CEP131: variants seen among roughly 807,000 people sequenced by gnomAD.
CEP131 encodes the protein centrosomal protein of 131 kDa.
In CEP131, 99 loss-of-function variants were observed where a neutral mutation model predicts 136.8. That is an observed-to-expected ratio of 0.72 (90% CI 0.62 to 0.86). The LOEUF is 0.86. Among genes scored for constraint, CEP131 ranks in the 40% least tolerant of loss-of-function variants. CEP131 has a pLI of 0.00. For synonymous variants in CEP131, 646 were observed against 612.7 expected (o/e 1.05, Z -0.80); for missense variants, 1,459 against 1,463.0 (o/e 1.00, Z 0.04).
chr17:81,197,086 C>T (rs201367580), intron 13 of CEP131, 31 bp from the exon 14 acceptor site: 480 of 1,566,802 alleles, frequency 3.1e-4, no homozygotes, highest in Non-Finnish European at 3.9e-4. Flanking sequence ...CAGGCGGAAG[C>T]GGCAGAGGAC....
In CEP131 at chr17:81,198,962, A is replaced by C; in HGVS notation, c.1202T>G (p.Leu401Arg). The C allele has an allele frequency of 6.4e-7, 1 of 1,571,178 alleles. No homozygotes were observed. Among genetic ancestry groups the C allele is most frequent in the Non-Finnish European group, 8.6e-7 (1 of 1,160,664 alleles). The change falls in exon 11 of 26, where the codon CTC becomes CGC. Residue 401 changes from leucine to arginine, a missense_variant. Physicochemically the swap from Leu to Arg is moderately radical, Grantham distance 102. Around this residue, in one of 3 missense-constraint regions of CEP131, gnomAD observed 1,026 missense variants for 964.2 expected, o/e 1.06. Coordinates refer to ENST00000450824, the MANE Select transcript of CEP131 (RefSeq NM_014984.4). ...GCGGTCTCCGGGGCCTGCAGCAGGG[A>C]GGCCACCACCTGCACAGCAGAACAC... is the stretch of plus-strand genomic sequence containing the variant. Reference protein sequence around the residue: ...ALKANNTGGGLPAAGPGDRCL... With the variant: ...ALKANNTGGGRPAAGPGDRCL...
chr17:81,198,304 A>C lies in CEP131; in HGVS notation c.1288-7T>G. 1 of 1,587,912 alleles carries C rather than the reference A, an allele frequency of 6.3e-7. No individual in the cohort carries two copies. Among genetic ancestry groups the C allele is most frequent in the Non-Finnish European group, 8.6e-7 (1 of 1,165,408 alleles). On this transcript the variant is annotated splice_polypyrimidine_tract_variant and splice_region_variant and intron_variant, in intron 11 of 25. Coordinates refer to ENST00000450824, the MANE Select transcript of CEP131 (RefSeq NM_014984.4). ...CATCCTGGGCAAGAACGTCCTGCAA[A>C]AGAGCAGGGAGACAGATGCAGCAAG... is the stretch of plus-strand genomic sequence containing the variant.
At position 81,200,174 on chromosome 17, in the gene CEP131, G is replaced by A. The variant is rs377351772; in HGVS notation, c.906+155C>T. The A allele has an allele frequency of 3.2e-4, 214 of 665,140 alleles. 2 individuals are homozygous for A. In the East Asian group the frequency reaches 5.2e-3, roughly 16 times the overall value. 41.2% of individuals were successfully genotyped at this position (665,140 alleles called of 1,614,324 possible). A position where few individuals can be genotyped will look rare whatever the true frequency, so the allele number is the denominator to read the frequency against. The stretch of plus-strand genomic sequence containing the variant: ...CCAGTGAGGACCACCCTGACTGTCC[G>A]CGGGGACCCAGGGTCAAGAAGGATG... On this transcript the variant is annotated intron_variant, in intron 8 of 25. Coordinates refer to ENST00000450824, the MANE Select transcript of CEP131 (RefSeq NM_014984.4).
chr17:81,221,152 G>T (rs1826778009), intron 1 of CEP131, among the ~76,000 whole-genome samples: 1 of 151,222 alleles, frequency 6.6e-6, no homozygotes, highest in Non-Finnish European at 1.5e-5. Context: ...AAAAACGCGG[G>T]AGTGGTTTTG....
At chr17:81,196,247 G>A (rs2061752878) in intron 15 of CEP131, among the ~76,000 whole-genome samples, 2 of 152,210 alleles carry the variant, frequency 1.3e-5, no homozygotes, top group African/African-American at 2.4e-5. Flanking sequence ...TAGCTCTGCC[G>A]AGGCCATCAC....
At chr17:81,210,620 A>C (rs2062111370) in intron 2 of CEP131, among the ~76,000 whole-genome samples, 1 of 152,076 alleles carries the variant, frequency 6.6e-6, no homozygotes, top group Non-Finnish European at 1.5e-5. Context: ...GAAAGGGCTC[A>C]CAGTCCAGTG....
intron 7 of CEP131, 64 bp from the exon 8 acceptor site, chr17:81,200,510 G>C: frequency 1.6e-6 from 2 of 1,262,744 alleles, no homozygotes; most frequent in Non-Finnish European, 2.2e-6. Context: ...CCAGCTGGCT[G>C]CTGGTGGAAG....
intron 18 of CEP131, 27 bp from the exon 19 acceptor site, chr17:81,192,870 G>A (rs1479294771): frequency 1.5e-5 from 24 of 1,588,142 alleles, no homozygotes; most frequent in South Asian, 4.5e-5. Flanking sequence ...ACTGGCTCTC[G>A]GGGGCCGGGA....
intron 2 of CEP131, among the ~76,000 whole-genome samples, chr17:81,212,277 G>C (rs184973575): frequency 1.3e-5 from 2 of 150,236 alleles, no homozygotes; most frequent in East Asian, 3.9e-4. Context: ...AGCCGAGATT[G>C]CGCTACTGCA....
At position 81,193,925 on chromosome 17, in the gene CEP131, C is replaced by CCGCTGCCGAGCA; in HGVS notation, c.2310_2321dup (p.Ala771_Arg774dup). 6.5e-7 allele frequency: 1 copy of CCGCTGCCGAGCA among 1,534,020 alleles called. No individual in the cohort carries two copies. Among genetic ancestry groups the CCGCTGCCGAGCA allele is most frequent in the Non-Finnish European group, 8.8e-7 (1 of 1,142,424 alleles). On this transcript the variant is annotated inframe_insertion and splice_region_variant. Transcript: ENST00000450824. ...CCCACCGGCCTGGGGCCACCACCCA[C>CCGCTGCCGAGCA]CGCTGCCGAGCACGTTCGCGCTCCT...
At chr17:81,195,530 T>G (rs537783954) in intron 16 of CEP131, among the ~76,000 whole-genome samples, 1 of 152,076 alleles carries the variant, frequency 6.6e-6, no homozygotes, top group East Asian at 1.9e-4. Context: ...GACCTGGCAG[T>G]GGGGCAGACC....
chr17:81,194,413 AC>A, intron 17 of CEP131, among the ~76,000 whole-genome samples: 1 of 152,144 alleles, frequency 6.6e-6, no homozygotes, highest in Non-Finnish European at 1.5e-5. Context: ...GAGCGAGAGG[AC>A]CAGGCCTCGG....
rs2061828537 is a variant in CEP131 at position 81,198,948 on chromosome 17, G to A, written c.1216C>T (p.Pro406Ser). The A allele has an allele frequency of 1.3e-6, 2 of 1,582,914 alleles. No individual in the cohort carries two copies. The highest frequency in any genetic ancestry group is 8.6e-7 in the Non-Finnish European group (1 of 1,166,382). The change falls in exon 11 of 26, where the codon CCC becomes TCC. Residue 406 changes from proline (P) to serine (S), a missense_variant. Pro to Ser is a moderately conservative substitution (Grantham distance 74). This residue lies in a region of CEP131 where 1,026 missense variants were observed against 964.2 expected (regional missense o/e 1.06). Transcript: ENST00000450824. ...GAGGTGGGCAGGCAGCGGTCTCCGG[G>A]GCCTGCAGCAGGGAGGCCACCACCT... ...NTGGGLPAAG[P>S]GDRCLPTSDS...
Position 81,194,022 on chromosome 17 carries a change from G to C in CEP131, c.2225C>G (p.Ser742Trp). The C allele has an allele frequency of 6.4e-7, 1 of 1,573,184 alleles. No individual in the cohort carries two copies. The highest frequency in any genetic ancestry group is 8.6e-7 in the Non-Finnish European group (1 of 1,159,876). ...CTCGGCCTGGCGCAGGCAGCGCTGC[G>C]AGGCCCGCTCATCCGACTGCAGCAG... ...AELLQSDERA[S>W]QRCLRQAEEL... Residue 742 changes from serine (S) to tryptophan (W), a missense_variant, in exon 18 of 26, where the codon TCG becomes TGG. This residue lies in a region of CEP131 where 1,026 missense variants were observed against 964.2 expected (regional missense o/e 1.06). Transcript: ENST00000450824.
At chr17:81,190,839 C>A (rs1275574760) in intron 23 of CEP131, 37 bp from the exon 24 acceptor site, 1 of 1,589,000 alleles carries the variant, frequency 6.3e-7, no homozygotes, top group Middle Eastern at 1.7e-4. Flanking sequence ...CGGCTGCCAG[C>A]GACTGGCTGC....
intron 2 of CEP131, among the ~76,000 whole-genome samples, chr17:81,211,533 C>A (rs1328111189): frequency 6.6e-6 from 1 of 152,244 alleles, no homozygotes; most frequent in Non-Finnish European, 1.5e-5. Flanking sequence ...AGAAGCCACC[C>A]ATGCGGCAGG....
At chr17:81,205,221 T>G (rs1389772363) in intron 5 of CEP131, among the ~76,000 whole-genome samples, 1 of 151,762 alleles carries the variant, frequency 6.6e-6, no homozygotes, top group Non-Finnish European at 1.5e-5. Context: ...ATCACACCAC[T>G]GCACTCTGGC....
In CEP131 at chr17:81,193,999, C is replaced by G. The variant is rs763110139; in HGVS notation, c.2248G>C (p.Glu750Gln). 7 of 1,555,222 alleles carry G rather than the reference C, an allele frequency of 4.5e-6. No homozygotes were observed. The African/African-American group carries it at 5.5e-5, about 12-fold the overall frequency. The stretch of plus-strand genomic sequence containing the variant: ...CGCTCCAGCTGCTCCCGCAGCTCCT[C>G]GGCCTGGCGCAGGCAGCGCTGCGAG... ...RASQRCLRQA[E>Q]ELREQLEREK... The change falls in exon 18 of 26, where the codon GAG (glutamate) becomes CAG (glutamine). Residue 750 changes from glutamate to glutamine, a missense_variant. Glu to Gln is a conservative substitution (Grantham distance 29). This residue lies in a region of CEP131 where 1,026 missense variants were observed against 964.2 expected (regional missense o/e 1.06). Transcript: ENST00000450824.
chr17:81,212,321 C>CAA lies in CEP131; in HGVS notation c.178-3301_178-3300dup, dbSNP rs71166130. ...TGGGCGACAGAGCAAGATTCCCTCT[C>CAA]AAAAAAAAAAAAAAAGAAAAGAAAA... On this transcript the variant is annotated intron_variant, in intron 2 of 25. Coordinates refer to ENST00000450824, the MANE Select transcript of CEP131 (RefSeq NM_014984.4). Among the ~76,000 whole-genome samples, 1,228 of 134,916 alleles carry CAA rather than the reference C, an allele frequency of 9.1e-3. 24 individuals are homozygous for CAA. Among genetic ancestry groups the CAA allele is most frequent in the African/African-American group, 0.026 (943 of 36,098 alleles). 88.5% of individuals were successfully genotyped at this position (134,916 alleles called of 152,430 possible).
Sources: gnomAD v4.1 joint callset for allele counts (sites outside exome capture counted in the v4.1 genomes callset) on GRCh38, gnomAD v4.1.1 for gene constraint, gnomAD v4.1.1 regional missense constraint, MANE v1.5 for transcripts, NCBI Gene and HGNC (gene_info 2026-07-23, HGNC 2026-07-21) for gene names.